MGAT5B: variants seen among roughly 807,000 people sequenced by gnomAD.
The protein encoded by MGAT5B is N-acetylglucosaminyl-transferase Vb.
In MGAT5B, 54 loss-of-function variants were observed where a neutral mutation model predicts 95.1. The ratio of observed to expected loss-of-function variants is 0.57; its 90% CI spans 0.46 to 0.71. The LOEUF is 0.71. Ranked by LOEUF, MGAT5B falls within the 30% of genes least tolerant of loss-of-function variation. The pLI, the probability that MGAT5B is intolerant of heterozygous loss-of-function variation, is 0.00. For synonymous variants in MGAT5B, 464 were observed against 451.0 expected (o/e 1.03, Z -0.36); for missense variants, 935 against 1,088.6 (o/e 0.86, Z 1.99).
At chr17:76,897,701 CTTTCTTTCTTTCTTTCTTTCTTTCTTTT>C (rs1968126408) in intron 3 of MGAT5B, among the ~76,000 whole-genome samples, 1 of 105,244 alleles carries the variant, frequency 9.5e-6, no homozygotes, top group African/African-American at 4.9e-5. Context: ...TTCTTTCTTT[CTTTCTTTCTTTCTTTCTTTCTTTCTTTT>C]TCTTTTTTTT....
chr17:76,934,726 G>A (rs1038076173), intron 12 of MGAT5B, among the ~76,000 whole-genome samples: 1 of 152,200 alleles, frequency 6.6e-6, no homozygotes, highest in African/African-American at 2.4e-5. Context: ...TATCTCTAGC[G>A]CTGGAACTTC....
chr17:76,904,845 G>A (rs764698921), intron 6 of MGAT5B, among the ~76,000 whole-genome samples: 46 of 152,170 alleles, frequency 3.0e-4, no homozygotes, highest in Non-Finnish European at 5.4e-4. Flanking sequence ...TGGTGGCCAC[G>A]TCTGTCCCCT....
At chr17:76,928,880 AT>A (rs60955244) in intron 10 of MGAT5B, among the ~76,000 whole-genome samples, 32 of 146,220 alleles carry the variant, frequency 2.2e-4, no homozygotes, top group South Asian at 4.4e-4. Context: ...GTCATGAATA[AT>A]TTTTTTTTTT....
rs766046481 is a variant in MGAT5B, at chr17:76,949,202, T to A, written c.*364T>A. ...GTGGCGAAAGGGGCCCAGTCGTTCT[T>A]GGGCCCAGGATGGGGCCTCTAGACT... On this transcript the variant is annotated 3_prime_UTR_variant, in exon 18 of 18. Transcript: ENST00000569840. The A allele has an allele frequency of 4.0e-6, 1 of 252,724 alleles. No individual in the cohort carries two copies. The highest frequency in any genetic ancestry group is 7.7e-6 in the Non-Finnish European group (1 of 130,590). 15.7% of individuals were successfully genotyped at this position (252,724 alleles called of 1,614,324 possible). A position where few individuals can be genotyped will look rare whatever the true frequency, so the allele number is the denominator to read the frequency against.
intron 12 of MGAT5B, among the ~76,000 whole-genome samples, chr17:76,935,900 ATAC>A (rs1969649636): frequency 7.2e-6 from 1 of 138,338 alleles, no homozygotes; most frequent in African/African-American, 2.7e-5. Flanking sequence ...ATAATTATAT[ATAC>A]ATTATATATA....
chr17:76,930,961 A>T lies in MGAT5B; in HGVS notation c.1292-1684A>T, dbSNP rs1301500768. Among the ~76,000 whole-genome samples, 2 of 152,138 alleles carry T rather than the reference A, an allele frequency of 1.3e-5. No homozygotes were observed. Among genetic ancestry groups the T allele is most frequent in the South Asian group, 4.1e-4 (2 of 4,826 alleles). On this transcript the variant is annotated intron_variant, in intron 10 of 17. Transcript: ENST00000569840. The surrounding 1 kb of genome is among the most constrained non-coding windows in gnomAD (Gnocchi z 4.1). ...AGCAGGGGCAACGCTTGGAGGTGGG[A>T]ATGGGAGGCTTTTCCCCTGTCTCAT...
intron 15 of MGAT5B, among the ~76,000 whole-genome samples, chr17:76,945,578 C>T (rs779448797): frequency 2.2e-4 from 33 of 152,208 alleles, no homozygotes; most frequent in Non-Finnish European, 4.0e-4. Flanking sequence ...CATGAGCCAC[C>T]GTGCCGGGCT....
chr17:76,948,467 T>C (rs1412897773), intron 17 of MGAT5B, among the ~76,000 whole-genome samples, 173 bp from the exon 18 acceptor site: 1 of 152,278 alleles, frequency 6.6e-6, no homozygotes, highest in African/African-American at 2.4e-5. Flanking sequence ...CAGGGGTCCC[T>C]TGGACAGCAG....
chr17:76,915,852 G>T lies in MGAT5B; in HGVS notation c.1026-9114G>T, dbSNP rs117149081. On this transcript the variant is annotated intron_variant, in intron 8 of 17. Coordinates refer to ENST00000569840, the MANE Select transcript of MGAT5B (RefSeq NM_001199172.2). This position sits in a 1 kb window ranked among gnomAD's most constrained non-coding sequence, Gnocchi z 8.7. ...AGGCATTTTAACCTCCTGGCTGAGC[G>T]GGGAGCGAGCGCAGGAGCACACATC... 6.6e-6 allele frequency among the ~76,000 whole-genome samples: 1 copy of T among 152,196 alleles called. No homozygotes were observed.
intron 16 of MGAT5B, among the ~76,000 whole-genome samples, chr17:76,947,035 T>C (rs905567473): frequency 3.9e-5 from 6 of 152,008 alleles, no homozygotes; most frequent in Admixed American, 3.9e-4. Context: ...TCCTGGGGAG[T>C]CCTGGCCCTC....
chr17:76,889,573 C>T lies in MGAT5B; in HGVS notation c.329+7275C>T, dbSNP rs887838051. ...GTGCCACCCCAGGGCAGCCGTCGGCCCCCAGGGGCATGTTCTGGATTCCAA... is the reference window on the plus strand; with the variant it reads ...GTGCCACCCCAGGGCAGCCGTCGGCTCCCAGGGGCATGTTCTGGATTCCAA... On this transcript the variant is annotated intron_variant, in intron 3 of 17. Transcript: ENST00000569840. This position sits in a 1 kb window ranked among gnomAD's most constrained non-coding sequence, Gnocchi z 4.4. Among the ~76,000 whole-genome samples, 6 of 152,166 alleles carry T rather than the reference C, an allele frequency of 3.9e-5. No homozygotes were observed. The highest frequency in any genetic ancestry group is 8.8e-5 in the Non-Finnish European group (6 of 68,018).
At chr17:76,908,346 C>T (rs1451469898) in intron 8 of MGAT5B, among the ~76,000 whole-genome samples, 1 of 147,968 alleles carries the variant, frequency 6.8e-6, no homozygotes, top group East Asian at 2.0e-4. Flanking sequence ...ACAATCATGG[C>T]TCACAGCAGC....
At chr17:76,926,756 G>T (rs372672202) in intron 10 of MGAT5B, 26 bp downstream of exon 10, 9 of 1,609,236 alleles carry the variant, frequency 5.6e-6, no homozygotes, top group Admixed American at 5.0e-5. Flanking sequence ...GGCAGGGGTG[G>T]GGTCGGAGGT....
chr17:76,929,357 C>T (rs909167206), intron 10 of MGAT5B, among the ~76,000 whole-genome samples: 1 of 152,174 alleles, frequency 6.6e-6, no homozygotes, highest in Admixed American at 6.5e-5. Flanking sequence ...TCCTACTCAT[C>T]CTTCAAAACC....
chr17:76,924,393 G>A (rs1182610650), intron 8 of MGAT5B: 2 of 152,628 alleles, frequency 1.3e-5, no homozygotes, highest in African/African-American at 4.8e-5. Flanking sequence ...CCTTGTCCCA[G>A]ATGAAAACCT....
chr17:76,908,824 TG>T (rs1968628772), intron 8 of MGAT5B, among the ~76,000 whole-genome samples: 1 of 116,032 alleles, frequency 8.6e-6, no homozygotes. Context: ...TTTTTTTTTT[TG>T]AGATGGAGTC....
At chr17:76,882,763 G>A (rs1967480461) in intron 3 of MGAT5B, among the ~76,000 whole-genome samples, 1 of 138,622 alleles carries the variant, frequency 7.2e-6, no homozygotes, top group African/African-American at 2.9e-5. Context: ...CACCCAGGCT[G>A]GAGTGCAGTG....
At chr17:76,944,450 A>C (rs1168641478) in intron 15 of MGAT5B, among the ~76,000 whole-genome samples, 1 of 152,108 alleles carries the variant, frequency 6.6e-6, no homozygotes, top group African/African-American at 2.4e-5. Context: ...AGACCCCCAG[A>C]AGTGTGTGGG....
intron 8 of MGAT5B, among the ~76,000 whole-genome samples, chr17:76,920,390 G>T (rs1048394470): frequency 2.0e-5 from 3 of 152,168 alleles, no homozygotes; most frequent in African/African-American, 7.2e-5. Flanking sequence ...AGCCTCCCGG[G>T]CACCTTTGGT....
Sources: allele counts gnomAD v4.1 joint callset (sites outside exome capture counted in the v4.1 genomes callset), GRCh38; gene constraint gnomAD v4.1.1; non-coding constraint Gnocchi (gnomAD v3.1); transcripts MANE v1.5; gene names NCBI Gene and HGNC (gene_info 2026-07-23, HGNC 2026-07-21).